The following RUNX3 variants were observed in gnomAD, a reference collection of about 807,000 sequenced individuals.
The protein encoded by RUNX3 is runt-related transcription factor 3.
In RUNX3, 10 loss-of-function variants were observed where a neutral mutation model predicts 27.7. The ratio of observed to expected loss-of-function variants is 0.36; its 90% confidence interval spans 0.22 to 0.61. The LOEUF is 0.61. Among genes scored for constraint, RUNX3 ranks in the 20% least tolerant of loss-of-function variants. The pLI, the probability that RUNX3 is intolerant of heterozygous loss-of-function variation, is 0.72. For synonymous variants in RUNX3, 270 were observed against 269.2 expected (o/e 1.00, Z -0.03); for missense variants, 469 against 629.5 (o/e 0.75, Z 2.73).
chr1:24,901,038 T>G lies in RUNX3; in HGVS notation c.*1084A>C, dbSNP rs1382900618. On this transcript the variant is annotated 3_prime_UTR_variant, in exon 5 of 5. Transcript: ENST00000308873. The stretch of plus-strand genomic sequence containing the variant: ...TTTTGTTTTTTTTTTGTTTTTTTGT[T>G]TTTTTTTTTTTTTTGCTCAGGACTA... 4.9e-4 allele frequency: 69 copies of G among 141,866 alleles called. No homozygotes were observed. The highest frequency in any genetic ancestry group is 1.9e-3 in the African/African-American group (67 of 34,622). 8.8% of individuals were successfully genotyped at this position (141,866 alleles called of 1,614,324 possible). A position where few individuals can be genotyped will look rare whatever the true frequency, so the allele number is the denominator to read the frequency against.
intron 2 of RUNX3, among the ~76,000 whole-genome samples, chr1:24,949,171 G>A (rs909724643): frequency 6.6e-6 from 1 of 152,000 alleles, no homozygotes; most frequent in Non-Finnish European, 1.5e-5. Flanking sequence ...GAGCACTTCA[G>A]GTTTGTCTTA....
At chr1:24,936,714 TG>T (rs1359512374) in intron 2 of RUNX3, among the ~76,000 whole-genome samples, 1 of 152,188 alleles carries the variant, frequency 6.6e-6, no homozygotes, top group African/African-American at 2.4e-5. Flanking sequence ...CAGCAGCTTC[TG>T]GGCCCAGCCA....
chr1:24,910,362 A>G (rs1349035510), intron 3 of RUNX3, among the ~76,000 whole-genome samples: 2 of 151,770 alleles, frequency 1.3e-5, no homozygotes, highest in Non-Finnish European at 1.5e-5. Flanking sequence ...TTGGGTCTAG[A>G]ATGACATGTG....
At position 24,900,946 on chromosome 1, in the gene RUNX3, T is replaced by C. The variant is rs1640527651; in HGVS notation, c.*1176A>G. ...GCTATCATAATCACGGAACTATACC[T>C]GTAAGAGACCTTGTGTTTGAAAACG... On this transcript the variant is annotated 3_prime_UTR_variant, in exon 5 of 5. Transcript: ENST00000308873. 6.6e-6 allele frequency: 1 copy of C among 152,172 alleles called. No homozygotes were observed. The highest frequency in any genetic ancestry group is 1.5e-5 in the Non-Finnish European group (1 of 68,026). 9.4% of individuals were successfully genotyped at this position (152,172 alleles called of 1,614,324 possible). A position where few individuals can be genotyped will look rare whatever the true frequency, so the allele number is the denominator to read the frequency against.
chr1:24,923,147 T>C lies in RUNX3; in HGVS notation c.440-3803A>G, dbSNP rs1641032575. 6.6e-6 allele frequency among the ~76,000 whole-genome samples: 1 copy of C among 152,104 alleles called. No individual in the cohort carries two copies. The highest frequency in any genetic ancestry group is 1.5e-5 in the Non-Finnish European group (1 of 68,008). ...CACCCATACCAGGTAGCAAACCACATGCCACCCCTGAGGTCACCAGCACTC... is the reference window on the plus strand; with the variant it reads ...CACCCATACCAGGTAGCAAACCACACGCCACCCCTGAGGTCACCAGCACTC... On this transcript the variant is annotated intron_variant, in intron 2 of 4. Coordinates refer to ENST00000308873, the MANE Select transcript of RUNX3 (RefSeq NM_004350.3). The surrounding 1 kb of genome is among the most constrained non-coding windows in gnomAD (Gnocchi z 5.9).
intron 2 of RUNX3, among the ~76,000 whole-genome samples, chr1:24,953,649 A>C (rs556793279): frequency 7.7e-4 from 118 of 152,318 alleles, no homozygotes; most frequent in Middle Eastern, 3.4e-3. Flanking sequence ...GTGCCGTTCT[A>C]GATTCTTCTT....
At position 24,943,088 on chromosome 1, in the gene RUNX3, G is replaced by A. The variant is rs1249570723; in HGVS notation, c.59-13236C>T. Among the ~76,000 whole-genome samples, 6 of 152,248 alleles carry A rather than the reference G, an allele frequency of 3.9e-5. No homozygotes were observed. The highest frequency in any genetic ancestry group is 2.1e-4 in the South Asian group (1 of 4,836). On this transcript the variant is annotated intron_variant, in intron 2 of 6. Coordinates refer to the RUNX3 transcript ENST00000338888. This position sits in a 1 kb window ranked among gnomAD's most constrained non-coding sequence, Gnocchi z 4.6. ...AGGTGGCAGCACCGGGAGCCGAGCC[G>A]GGTGTCATTGATCTTGCCCGGTGTT...
chr1:24,931,693 G>C (rs756913709), upstream of RUNX3, among the ~76,000 whole-genome samples: 4 of 152,140 alleles, frequency 2.6e-5, no homozygotes, highest in Non-Finnish European at 4.4e-5. Flanking sequence ...TGCTCAGCGC[G>C]CGCCATTTCG....
At chr1:24,921,068 T>C (rs989314702) in intron 2 of RUNX3, among the ~76,000 whole-genome samples, 1 of 152,148 alleles carries the variant, frequency 6.6e-6, no homozygotes, top group African/African-American at 2.4e-5. Flanking sequence ...CTCTCACCTG[T>C]ACCCCAGGGC....
chr1:24,929,272 T>C (rs1641162541), intron 1 of RUNX3: 2 of 608,898 alleles, frequency 3.3e-6, no homozygotes, highest in Non-Finnish European at 6.2e-6. Context: ...CCCGCAGGGC[T>C]GTATCTGAGC....
rs966034806 is a variant in RUNX3, at chr1:24,904,879, C to A, written c.704-2213G>T. ...CCTGTACCCCCACCCTGCGGCCTCG[C>A]AGCCCCAGGAAACCCGAGCTGCCCG... On this transcript the variant is annotated intron_variant, in intron 4 of 4. Coordinates refer to ENST00000308873, the MANE Select transcript of RUNX3 (RefSeq NM_004350.3). The surrounding 1 kb of genome is among the most constrained non-coding windows in gnomAD (Gnocchi z 5.7). 2.0e-5 allele frequency among the ~76,000 whole-genome samples: 3 copies of A among 152,212 alleles called. No individual in the cohort carries two copies. In the South Asian group the frequency reaches 6.2e-4, roughly 32 times the overall value.
At chr1:24,931,790 A>G (rs1641234868), upstream of RUNX3, among the ~76,000 whole-genome samples, 1 of 152,092 alleles carries the variant, frequency 6.6e-6, no homozygotes, top group South Asian at 2.1e-4. Context: ...GCTGGCCCCT[A>G]CCCACCTCGG....
At chr1:24,915,054 T>C (rs1221683720) in intron 3 of RUNX3, among the ~76,000 whole-genome samples, 1 of 152,270 alleles carries the variant, frequency 6.6e-6, no homozygotes, top group East Asian at 1.9e-4. Flanking sequence ...TGTGAAGGGC[T>C]CCTGCCCACA....
At chr1:24,906,512 G>A (rs937984297) in intron 4 of RUNX3, among the ~76,000 whole-genome samples, 5 of 152,252 alleles carry the variant, frequency 3.3e-5, no homozygotes, top group Admixed American at 2.6e-4. Flanking sequence ...CTGACTGAGA[G>A]AACAGAGGAG....
At chr1:24,950,833 G>A (rs1338296294) in intron 2 of RUNX3, among the ~76,000 whole-genome samples, 1 of 152,180 alleles carries the variant, frequency 6.6e-6, no homozygotes, top group African/African-American at 2.4e-5. Flanking sequence ...GTAGTAGGTG[G>A]AAGGGCCCCA....
At chr1:24,934,473 C>G (rs1557849644), upstream of RUNX3, among the ~76,000 whole-genome samples, 1 of 152,196 alleles carries the variant, frequency 6.6e-6, no homozygotes, top group Non-Finnish European at 1.5e-5. Context: ...CCTGTGCGGT[C>G]TGAGACTTTT....
exon 2 of RUNX3, chr1:24,964,540 G>A (rs1405399883): frequency 8.7e-6 from 14 of 1,611,916 alleles, no homozygotes; most frequent in South Asian, 3.3e-5. Context: ...CGAGTAGGTC[G>A]GGAAGGAGTC....
In RUNX3 at chr1:24,902,786, T is replaced by G. The variant is rs756753829; in HGVS notation, c.704-120A>C. 7 of 848,866 alleles carry G rather than the reference T, an allele frequency of 8.2e-6. No individual in the cohort carries two copies. Among genetic ancestry groups the G allele is most frequent in the Non-Finnish European group, 1.2e-5 (7 of 588,568 alleles). 52.6% of individuals were successfully genotyped at this position (848,866 alleles called of 1,614,324 possible). A position where few individuals can be genotyped will look rare whatever the true frequency, so the allele number is the denominator to read the frequency against. On this transcript the variant is annotated intron_variant, in intron 4 of 4. Transcript: ENST00000308873. The surrounding 1 kb of genome is among the most constrained non-coding windows in gnomAD (Gnocchi z 9.2). Reference sequence around the variant, plus strand: ...TCTGGGGGACCCCTAGTTCTAGACCTGGCTCTCCTCTTCCTGCCCTAGGCT... The same window carrying G: ...TCTGGGGGACCCCTAGTTCTAGACCGGGCTCTCCTCTTCCTGCCCTAGGCT...
intron 3 of RUNX3, among the ~76,000 whole-genome samples, chr1:24,912,667 C>G (rs996684598): frequency 3.3e-5 from 5 of 151,894 alleles, no homozygotes; most frequent in African/African-American, 1.2e-4. Context: ...CTGGCAGCAT[C>G]CCCTTGAGTA....
Sources: gnomAD v4.1 joint callset for allele counts (sites outside exome capture counted in the v4.1 genomes callset) on GRCh38, gnomAD v4.1.1 for gene constraint, Gnocchi (gnomAD v3.1) non-coding constraint, MANE v1.5 for transcripts, NCBI Gene and HGNC (gene_info 2026-07-23, HGNC 2026-07-21) for gene names.